The following EEFSEC variants were observed in gnomAD, a reference collection of about 807,000 sequenced individuals.
EEFSEC encodes the protein selenocysteine-specific elongation factor.
EEFSEC carries 43 observed loss-of-function variants against 42.1 expected under a neutral mutation model. The ratio of observed to expected loss-of-function variants is 1.02; its 90% CI spans 0.80 to 1.32. EEFSEC has a LOEUF of 1.32. EEFSEC is among the 40% of genes most tolerant of loss of function. The pLI, the probability that EEFSEC is intolerant of heterozygous loss-of-function variation, is 0.00. For missense variants in EEFSEC, 745 were observed against 803.6 expected (o/e 0.93, Z 0.88); for synonymous variants, 354 against 339.1 (o/e 1.04, Z -0.48).
intron 1 of EEFSEC, among the ~76,000 whole-genome samples, chr3:128,243,258 G>C (rs1053099503): frequency 3.3e-5 from 5 of 152,190 alleles, no homozygotes; most frequent in African/African-American, 1.2e-4. Context: ...GCTGGATCAG[G>C]CTGCAGATGA....
At chr3:128,382,796 T>C (rs542641119) in intron 6 of EEFSEC, among the ~76,000 whole-genome samples, 5 of 151,810 alleles carry the variant, frequency 3.3e-5, no homozygotes, top group African/African-American at 1.2e-4. Context: ...CATACTAGGA[T>C]GAGCCCGAAA....
chr3:128,377,525 T>C (rs181459952), intron 6 of EEFSEC, among the ~76,000 whole-genome samples: 2 of 152,342 alleles, frequency 1.3e-5, no homozygotes, highest in Non-Finnish European at 2.9e-5. Flanking sequence ...CACTCAGCAA[T>C]AGCAAGAGCT....
intron 6 of EEFSEC, among the ~76,000 whole-genome samples, chr3:128,404,446 C>A (rs2068085988): frequency 6.6e-6 from 1 of 152,266 alleles, no homozygotes; most frequent in African/African-American, 2.4e-5. Flanking sequence ...TTGGGCCACG[C>A]CTGTCTCCCC....
chr3:128,353,265 A>G (rs141104205), intron 5 of EEFSEC, among the ~76,000 whole-genome samples: 191 of 152,346 alleles, frequency 1.3e-3, no homozygotes, highest in Non-Finnish European at 2.3e-3. Context: ...TTTGGAATTC[A>G]TGGGAAGGGT....
chr3:128,156,934 C>A (rs2107754826), intron 1 of EEFSEC, among the ~76,000 whole-genome samples: 1 of 152,292 alleles, frequency 6.6e-6, no homozygotes, highest in African/African-American at 2.4e-5. Context: ...AATGATTAAG[C>A]TTAGTGATGA....
At chr3:128,249,323 A>C (rs1405040766) in intron 2 of EEFSEC, among the ~76,000 whole-genome samples, 1 of 152,266 alleles carries the variant, frequency 6.6e-6, no homozygotes, top group Non-Finnish European at 1.5e-5. Context: ...TTCTTTTCTC[A>C]AATGGCAGCT....
chr3:128,385,901 C>T (rs2067832694), intron 6 of EEFSEC, among the ~76,000 whole-genome samples: 1 of 152,244 alleles, frequency 6.6e-6, no homozygotes. Flanking sequence ...CACGGTGGAA[C>T]ATGAGCAGCA....
At chr3:128,241,476 G>T (rs1432364413) in intron 1 of EEFSEC, among the ~76,000 whole-genome samples, 1 of 152,086 alleles carries the variant, frequency 6.6e-6, no homozygotes, top group African/African-American at 2.4e-5. Flanking sequence ...CTCCCAAAGT[G>T]CTGGGATTAC....
chr3:128,240,453 C>G (rs1452614597), intron 1 of EEFSEC, among the ~76,000 whole-genome samples: 2 of 152,172 alleles, frequency 1.3e-5, no homozygotes, highest in Non-Finnish European at 2.9e-5. Context: ...TTGCCACTTC[C>G]TCTTATTTGT....
intron 4 of EEFSEC, among the ~76,000 whole-genome samples, chr3:128,321,329 C>T (rs1205053327): frequency 6.6e-6 from 1 of 152,164 alleles, no homozygotes; most frequent in Non-Finnish European, 1.5e-5. Flanking sequence ...CTTACATTTT[C>T]TGAGAGGGAA....
chr3:128,173,854 A>G (rs1441343874), intron 1 of EEFSEC, among the ~76,000 whole-genome samples: 1 of 152,186 alleles, frequency 6.6e-6, no homozygotes, highest in Non-Finnish European at 1.5e-5. Context: ...TGCTGAGAGA[A>G]TGGTGCCCCA....
At chr3:128,313,261 A>G (rs2066909881) in intron 4 of EEFSEC, among the ~76,000 whole-genome samples, 1 of 152,252 alleles carries the variant, frequency 6.6e-6, no homozygotes, top group African/African-American at 2.4e-5. Context: ...AGTCCAGGAA[A>G]AGGGCAGTTG....
chr3:128,154,864 A>G (rs916388622), intron 1 of EEFSEC, among the ~76,000 whole-genome samples: 2 of 152,332 alleles, frequency 1.3e-5, no homozygotes, highest in South Asian at 4.1e-4. Flanking sequence ...ATGTTCGCAT[A>G]TATGTAGGAT....
At chr3:128,386,198 A>G (rs2067835649) in intron 6 of EEFSEC, among the ~76,000 whole-genome samples, 1 of 152,100 alleles carries the variant, frequency 6.6e-6, no homozygotes. Flanking sequence ...GGGAGATTTG[A>G]GAGTTTTGAT....
In EEFSEC at chr3:128,317,729, C is replaced by G. The variant is rs561356821; in HGVS notation, c.787-23504C>G. Among the ~76,000 whole-genome samples the G allele has an allele frequency of 6.6e-6, 1 of 152,254 alleles. No individual in the cohort carries two copies. Among genetic ancestry groups the G allele is most frequent in the Non-Finnish European group, 1.5e-5 (1 of 68,040 alleles). ...CCTCAGCTGCAGCCATTTGTGCTCA[C>G]GTACCATTCTCTCGCCGGCTGCTGA... is the stretch of plus-strand genomic sequence containing the variant. On this transcript the variant is annotated intron_variant, in intron 4 of 6. Coordinates refer to ENST00000254730, the MANE Select transcript of EEFSEC (RefSeq NM_021937.5). This position sits in a 1 kb window ranked among gnomAD's most constrained non-coding sequence, Gnocchi z 4.1.
intron 1 of EEFSEC, among the ~76,000 whole-genome samples, chr3:128,228,048 T>C (rs975560739): frequency 6.6e-6 from 1 of 152,068 alleles, no homozygotes; most frequent in African/African-American, 2.4e-5. Flanking sequence ...TAGAGAAGAG[T>C]TGATTAATTG....
At chr3:128,388,370 C>G (rs1263319111) in intron 6 of EEFSEC, among the ~76,000 whole-genome samples, 1 of 152,224 alleles carries the variant, frequency 6.6e-6, no homozygotes, top group East Asian at 1.9e-4. Flanking sequence ...AATTTATCTA[C>G]AGTCCATCTC....
intron 6 of EEFSEC, among the ~76,000 whole-genome samples, chr3:128,391,617 T>C (rs190713798): frequency 1.3e-5 from 2 of 152,346 alleles, no homozygotes; most frequent in East Asian, 1.9e-4. Context: ...CCCTCACCGA[T>C]GGGCTCTTCT....
chr3:128,207,455 G>A (rs184563154), intron 1 of EEFSEC, among the ~76,000 whole-genome samples: 103 of 152,054 alleles, frequency 6.8e-4, no homozygotes, highest in Non-Finnish European at 1.1e-3. Context: ...TTGCCAGGGA[G>A]GCTTGGACTC....
Sources: gnomAD v4.1 joint callset for allele counts (sites outside exome capture counted in the v4.1 genomes callset) on GRCh38, gnomAD v4.1.1 for gene constraint, Gnocchi (gnomAD v3.1) non-coding constraint, MANE v1.5 for transcripts, NCBI Gene and HGNC (gene_info 2026-07-23, HGNC 2026-07-21) for gene names.